RBBP5: variants seen among roughly 807,000 people sequenced by gnomAD.
RBBP5 encodes the protein RB binding protein 5, histone lysine methyltransferase complex subunit, also known as retinoblastoma-binding protein 5.
Under a neutral mutation model 72.2 loss-of-function variants are expected in RBBP5, and 5 were observed. The observed-to-expected ratio is 0.07, with a 90% CI of 0.04 to 0.15. RBBP5 has a LOEUF of 0.15. RBBP5 is among the 10% of genes least tolerant of loss of function. The probability of loss-of-function intolerance (pLI) is 1.00; values close to 1 mark genes in which losing one functional copy is unlikely to be tolerated. For missense variants in RBBP5, 322 were observed against 652.2 expected (o/e 0.49, Z 5.51); for synonymous variants, 209 against 237.2 (o/e 0.88, Z 1.09).
At chr1:205,108,219 G>T (rs1434137546) in intron 3 of RBBP5, among the ~76,000 whole-genome samples, 1 of 151,538 alleles carries the variant, frequency 6.6e-6, no homozygotes, top group Non-Finnish European at 1.5e-5. Flanking sequence ...CTCCAGCCTG[G>T]GTGACAGAGC....
rs1655824773 is a variant in RBBP5 at position 205,101,586 on chromosome 1, AAGATCTC to A, written c.632+7_632+13del. On this transcript the variant is annotated splice_region_variant and intron_variant, in intron 6 of 13. Transcript: ENST00000264515. Reference sequence around the variant, plus strand: ...CTCTTAAAACTGTCCCTTAAAAGGTAAGATCTCACTCACCTCCCCTTCCGGGCAAACT... The same window carrying A: ...CTCTTAAAACTGTCCCTTAAAAGGTAACTCACCTCCCCTTCCGGGCAAACT... 1 of 1,572,810 alleles carries A rather than the reference AAGATCTC, an allele frequency of 6.4e-7. No individual in the cohort carries two copies. Among genetic ancestry groups the A allele is most frequent in the African/African-American group, 1.4e-5 (1 of 73,768 alleles).
chr1:205,100,277 G>A lies in RBBP5; in HGVS notation c.633-6C>T. The A allele has an allele frequency of 6.2e-7, 1 of 1,612,762 alleles. No homozygotes were observed. ...CCGTGTTAATTAAAAAGCAACTACG[G>A]GAAGGATAAAAATATCAACACCAGA... On this transcript the variant is annotated splice_region_variant and splice_polypyrimidine_tract_variant and intron_variant, in intron 6 of 13. Coordinates refer to ENST00000264515, the MANE Select transcript of RBBP5 (RefSeq NM_005057.4).
At chr1:205,094,848 G>A in intron 13 of RBBP5, 25 bp downstream of exon 13, 1 of 1,592,738 alleles carries the variant, frequency 6.3e-7, no homozygotes, top group Non-Finnish European at 8.6e-7. Flanking sequence ...AAGCAAGCCA[G>A]ACAATGCTCC....
At position 205,114,775 on chromosome 1, in the gene RBBP5, A is replaced by T. The variant is rs769295273; in HGVS notation, c.218+14T>A. ...TTCTCCTCATATTTAAATATTAATTAAAAAATGTCTTACCATAAAGAACAC... is the reference window on the plus strand; with the variant it reads ...TTCTCCTCATATTTAAATATTAATTTAAAAATGTCTTACCATAAAGAACAC... On this transcript the variant is annotated intron_variant, in intron 3 of 13. Transcript: ENST00000264515. 97 of 1,496,214 alleles carry T rather than the reference A, an allele frequency of 6.5e-5. 1 individual carries two copies. The highest frequency in any genetic ancestry group is 4.5e-4 in the African/African-American group (32 of 70,506). 92.7% of individuals were successfully genotyped at this position (1,496,214 alleles called of 1,614,324 possible).
intron 3 of RBBP5, among the ~76,000 whole-genome samples, chr1:205,113,049 T>C (rs1574715251): frequency 6.6e-6 from 1 of 152,006 alleles, no homozygotes; most frequent in Non-Finnish European, 1.5e-5. Context: ...GATTTCAAGG[T>C]TGCAGTGAAC....
At chr1:205,093,558 A>ACACACACACACACACGCG (rs1474687926) in intron 13 of RBBP5, among the ~76,000 whole-genome samples, 1 of 115,966 alleles carries the variant, frequency 8.6e-6, no homozygotes, top group African/African-American at 3.8e-5. Flanking sequence ...ACACACACAC[A>ACACACACACACACACGCG]CACACACACA....
intron 13 of RBBP5, among the ~76,000 whole-genome samples, chr1:205,090,154 A>G (rs7536902): frequency 0.78 from 119,297 of 152,206 alleles, 48,169 homozygotes; most frequent in East Asian, 0.97. Context: ...GTGCCCAGCT[A>G]CATTGATTTT....
chr1:205,115,039 CT>C, intron 2 of RBBP5, 78 bp from the exon 3 acceptor site: 1 of 1,263,202 alleles, frequency 7.9e-7, no homozygotes, highest in Non-Finnish European at 1.1e-6. Flanking sequence ...TTCTTTATCA[CT>C]TGTGATACTT....
Position 205,087,553 on chromosome 1 carries a change from G to GAAAAAAA in RBBP5, c.*1227_*1233dup, listed in dbSNP as rs61068820. The GAAAAAAA allele has an allele frequency of 1.3e-5, 1 of 77,108 alleles. No homozygotes were observed. The highest frequency in any genetic ancestry group is 4.5e-5 in the African/African-American group (1 of 22,224). The allele number at this position is 77,108 out of a possible 1,614,324, so 4.8% of individuals were successfully genotyped here. Reference sequence around the variant, plus strand: ...ATTTAAATTCTCCTTTTAAAATATTGAAAAAAAAAAAAAAAAAAAAAAGAC... The same window carrying GAAAAAAA: ...ATTTAAATTCTCCTTTTAAAATATTGAAAAAAAAAAAAAAAAAAAAAAAAAAAAAGAC... On this transcript the variant is annotated 3_prime_UTR_variant, in exon 14 of 14. Coordinates refer to ENST00000264515, the MANE Select transcript of RBBP5 (RefSeq NM_005057.4).
At chr1:205,121,783 T>TCCC in intron 1 of RBBP5, 72 bp downstream of exon 1, 2 of 1,605,202 alleles carry the variant, frequency 1.2e-6, no homozygotes, top group Non-Finnish European at 1.7e-6. Flanking sequence ...GCAGCCTGAC[T>TCCC]CCCCTCCCGC....
Sources: gnomAD v4.1 joint callset for allele counts (sites outside exome capture counted in the v4.1 genomes callset) on GRCh38, gnomAD v4.1.1 for gene constraint, MANE v1.5 for transcripts, NCBI Gene and HGNC (gene_info 2026-07-23, HGNC 2026-07-21) for gene names.